ZCWPW2: variants seen among roughly 807,000 people sequenced by gnomAD.
The protein encoded by ZCWPW2 is zinc finger CW-type PWWP domain protein 2.
In ZCWPW2, 45 loss-of-function variants were observed where a neutral mutation model predicts 46.6. That is an observed-to-expected ratio of 0.96 (90% CI 0.76 to 1.24). ZCWPW2 has a LOEUF of 1.24. Ranked by LOEUF, ZCWPW2 falls within the 50% of genes most tolerant of loss-of-function variation. ZCWPW2 has a pLI of 0.00. For missense variants in ZCWPW2, 429 were observed against 403.9 expected, an observed-to-expected ratio of 1.06 and a Z score of -0.53; for synonymous variants, 152 against 137.1, an observed-to-expected ratio of 1.11 and a Z score of -0.76.
intron 2 of ZCWPW2, among the ~76,000 whole-genome samples, chr3:28,400,814 G>A (rs1308524653): frequency 6.6e-6 from 1 of 152,092 alleles, no homozygotes; most frequent in Admixed American, 6.5e-5. Flanking sequence ...AAGAAATCCT[G>A]GAAACACATC....
At chr3:28,421,901 A>G (rs1287280218) in intron 3 of ZCWPW2, among the ~76,000 whole-genome samples, 2 of 146,752 alleles carry the variant, frequency 1.4e-5, no homozygotes, top group African/African-American at 5.1e-5. Flanking sequence ...ACCTAATTCA[A>G]AGTTCCAGAG....
chr3:28,364,953 A>C (rs1705074425), intron 1 of ZCWPW2, among the ~76,000 whole-genome samples: 1 of 150,886 alleles, frequency 6.6e-6, no homozygotes, highest in East Asian at 1.9e-4. Flanking sequence ...CTTTTGGCTG[A>C]AGTGTCTGTT....
rs566487550 is a variant in ZCWPW2, at chr3:28,439,750, A to G, written c.492+4481A>G. On this transcript the variant is annotated intron_variant, in intron 4 of 9. Transcript: ENST00000383768. ...ATACCTAAATGCTGATATGAAGTCAATAAATCTTATGTCACATGATAAAGG... is the reference window on the plus strand; with the variant it reads ...ATACCTAAATGCTGATATGAAGTCAGTAAATCTTATGTCACATGATAAAGG... 1.0e-3 allele frequency among the ~76,000 whole-genome samples: 159 copies of G among 152,362 alleles called. 2 individuals are homozygous for G. Among genetic ancestry groups the G allele is most frequent in the African/African-American group, 3.5e-3 (147 of 41,586 alleles).
At chr3:28,380,172 C>G (rs889863317) in intron 1 of ZCWPW2, among the ~76,000 whole-genome samples, 4 of 151,726 alleles carry the variant, frequency 2.6e-5, no homozygotes, top group African/African-American at 9.7e-5. Context: ...TTTTAGTAGA[C>G]ACGGGGTTTC....
At chr3:28,470,372 C>T (rs1053673635) in intron 4 of ZCWPW2, among the ~76,000 whole-genome samples, 5 of 151,726 alleles carry the variant, frequency 3.3e-5, no homozygotes, top group African/African-American at 9.7e-5. Context: ...TGGCGCATGC[C>T]GGTAATCCCA....
chr3:28,453,988 G>T (rs1351300411), intron 4 of ZCWPW2, among the ~76,000 whole-genome samples: 1 of 151,426 alleles, frequency 6.6e-6, no homozygotes, highest in African/African-American at 2.4e-5. Flanking sequence ...GGGACTACAG[G>T]CACCCGCCAC....
chr3:28,357,773 C>A (rs1197087751), intron 1 of ZCWPW2, among the ~76,000 whole-genome samples: 1 of 146,406 alleles, frequency 6.8e-6, no homozygotes, highest in African/African-American at 2.6e-5. Context: ...ATTATATATA[C>A]ATATAATATA....
intron 2 of ZCWPW2, among the ~76,000 whole-genome samples, chr3:28,399,151 T>C (rs1194555765): frequency 1.3e-5 from 2 of 152,136 alleles, no homozygotes; most frequent in African/African-American, 4.8e-5. Flanking sequence ...GGGTGAGGCC[T>C]GTGACTCTGG....
chr3:28,383,278 G>A (rs1053407043), intron 1 of ZCWPW2, among the ~76,000 whole-genome samples: 2 of 147,860 alleles, frequency 1.4e-5, no homozygotes, highest in Non-Finnish European at 3.1e-5. Flanking sequence ...TTACCACATA[G>A]TAGCTAATAC....
chr3:28,380,754 A>G (rs949767931), intron 1 of ZCWPW2, among the ~76,000 whole-genome samples: 2 of 151,496 alleles, frequency 1.3e-5, no homozygotes, highest in Non-Finnish European at 2.9e-5. Context: ...GGAATATGTC[A>G]GTGAGTCCTG....
chr3:28,471,313 A>G (rs1699033549), intron 4 of ZCWPW2, among the ~76,000 whole-genome samples: 2 of 152,184 alleles, frequency 1.3e-5, no homozygotes, highest in South Asian at 2.1e-4. Flanking sequence ...AAAGAAAACT[A>G]CAGGCCAGTA....
At chr3:28,489,668 GCACA>G (rs1209352772) in intron 5 of ZCWPW2, among the ~76,000 whole-genome samples, 2,016 of 39,536 alleles carry the variant, frequency 0.051, 17 homozygotes, top group East Asian at 0.1. Context: ...ACACACGCGC[GCACA>G]CACACACACA....
At chr3:28,450,436 T>G (rs1273945469) in intron 4 of ZCWPW2, among the ~76,000 whole-genome samples, 1 of 152,236 alleles carries the variant, frequency 6.6e-6, no homozygotes, top group South Asian at 2.1e-4. Flanking sequence ...TTTGACTTAA[T>G]GTTTATAGCA....
chr3:28,456,951 A>G (rs565440181), intron 4 of ZCWPW2, among the ~76,000 whole-genome samples: 3 of 152,148 alleles, frequency 2.0e-5, no homozygotes, highest in South Asian at 2.1e-4. Context: ...TTGTATCTAT[A>G]CCAGGTTTTG....
At chr3:28,518,097 C>G (rs1700622936) in intron 8 of ZCWPW2, among the ~76,000 whole-genome samples, 2 of 134,510 alleles carry the variant, frequency 1.5e-5, no homozygotes, top group Admixed American at 8.5e-5. Context: ...GGTTGTGCCA[C>G]TGCACTCCAG....
In ZCWPW2 at chr3:28,447,274, T is replaced by C. The variant is rs1464643389; in HGVS notation, c.492+12005T>C. 2.6e-5 allele frequency among the ~76,000 whole-genome samples: 4 copies of C among 152,098 alleles called. No homozygotes were observed. In the East Asian group the frequency reaches 7.7e-4, roughly 29 times the overall value. ...AAAGTCAACAAAATACTAACAAACT[T>C]AATTCAGCAGAATAGTAAAAGAATT... is the stretch of plus-strand genomic sequence containing the variant. On this transcript the variant is annotated intron_variant, in intron 4 of 9. Coordinates refer to ENST00000383768, the MANE Select transcript of ZCWPW2 (RefSeq NM_001040432.4).
intron 5 of ZCWPW2, among the ~76,000 whole-genome samples, chr3:28,479,660 T>C (rs1699361302): frequency 6.6e-6 from 1 of 152,204 alleles, no homozygotes; most frequent in Admixed American, 6.5e-5. Context: ...TTTTTCCTGA[T>C]CCTTTTCCTC....
chr3:28,397,128 C>CAAA (rs35842436), intron 2 of ZCWPW2, among the ~76,000 whole-genome samples: 29 of 137,304 alleles, frequency 2.1e-4, no homozygotes, highest in African/African-American at 7.6e-4. Flanking sequence ...TACTCTGTCT[C>CAAA]AAAAAAAAAA....
At chr3:28,406,603 AT>A (rs1696170574) in intron 2 of ZCWPW2, among the ~76,000 whole-genome samples, 1 of 149,874 alleles carries the variant, frequency 6.7e-6, no homozygotes, top group Non-Finnish European at 1.5e-5. Flanking sequence ...GAAGTATCTT[AT>A]TTTTTGTGAT....
Sources: allele counts gnomAD v4.1 joint callset (sites outside exome capture counted in the v4.1 genomes callset), GRCh38; gene constraint gnomAD v4.1.1; transcripts MANE v1.5; gene names NCBI Gene and HGNC (gene_info 2026-07-23, HGNC 2026-07-21).